NDUFS1: variants seen among roughly 807,000 people sequenced by gnomAD.
NDUFS1 encodes NADH:ubiquinone oxidoreductase core subunit S1, also known as NADH-ubiquinone oxidoreductase 75 kDa subunit, mitochondrial.
Under a neutral mutation model 84.4 loss-of-function variants are expected in NDUFS1, and 61 were observed. The observed-to-expected ratio is 0.72, with a 90% CI of 0.59 to 0.89. NDUFS1 has a LOEUF of 0.89. NDUFS1 is among the 40% of genes least tolerant of loss of function. The pLI is 0.00. For synonymous variants in NDUFS1, 275 were observed against 290.0 expected (o/e 0.95, Z 0.53); for missense variants, 891 against 890.0 (o/e 1.00, Z -0.01).
Position 206,155,860 on chromosome 2 carries a change from C to T in NDUFS1, c.-4-2178G>A, listed in dbSNP as rs138912012. Among the ~76,000 whole-genome samples, 792 of 152,030 alleles carry T rather than the reference C, an allele frequency of 5.2e-3. 4 individuals carry two copies. Among genetic ancestry groups the T allele is most frequent in the African/African-American group, 0.018 (730 of 41,510 alleles). ...TGAGCCACCACGCCCGGCCAAGTCA[C>T]CAAAACTTCTAAACTTTTTGAGTTT... On this transcript the variant is annotated intron_variant, in intron 1 of 18. Coordinates refer to ENST00000233190, the MANE Select transcript of NDUFS1 (RefSeq NM_005006.7).
chr2:206,159,049 A>C, intron 1 of NDUFS1: 1 of 1,532,866 alleles, frequency 6.5e-7, no homozygotes, highest in Non-Finnish European at 8.7e-7. Flanking sequence ...CTGAGAGGGA[A>C]ATGTCCTGAA....
chr2:206,158,109 C>T (rs1429849531), intron 1 of NDUFS1, among the ~76,000 whole-genome samples: 3 of 151,830 alleles, frequency 2.0e-5, no homozygotes, highest in Non-Finnish European at 2.9e-5. Context: ...ACTACAGGCG[C>T]CCGCCACCAC....
At chr2:206,154,813 C>A (rs892906321) in intron 1 of NDUFS1, among the ~76,000 whole-genome samples, 1 of 151,744 alleles carries the variant, frequency 6.6e-6, no homozygotes, top group Non-Finnish European at 1.5e-5. Context: ...TTAGTAGAGA[C>A]AGGGTTTCAC....
intron 4 of NDUFS1, 82 bp downstream of exon 4, chr2:206,149,736 A>T: frequency 1.0e-6 from 1 of 1,003,140 alleles, no homozygotes; most frequent in Non-Finnish European, 1.6e-6. Context: ...CCACTACGAT[A>T]TTGATTCTAA....
rs1691310380 is a variant in NDUFS1, at chr2:206,126,778, G to A, written c.1951C>T (p.Pro651Ser). 1.1e-5 allele frequency: 17 copies of A among 1,613,994 alleles called. No individual in the cohort carries two copies. The highest frequency in any genetic ancestry group is 1.3e-5 in the Non-Finnish European group (15 of 1,179,998). Reference protein sequence around the residue: ...QVRNRLEEVSPNLVRYDDIEG... With the variant: ...QVRNRLEEVSSNLVRYDDIEG... ...ATATCATCATATCGAACAAGATTAG[G>A]AGAGACTTCTTCCAATCTGTTCCTT... The change falls in exon 17 of 19, where the codon CCT (proline) becomes TCT (serine). Residue 651 changes from proline (P) to serine (S), a missense_variant. Physicochemically the swap from Pro to Ser is moderately conservative, Grantham distance 74. Coordinates refer to ENST00000233190, the MANE Select transcript of NDUFS1 (RefSeq NM_005006.7).
intron 1 of NDUFS1, among the ~76,000 whole-genome samples, chr2:206,158,699 CA>C (rs1687776455): frequency 6.6e-6 from 1 of 152,246 alleles, no homozygotes; most frequent in Admixed American, 6.5e-5. Context: ...CGTGTGTGAA[CA>C]GAGTTGTGTC....
intron 9 of NDUFS1, 142 bp downstream of exon 9, chr2:206,144,750 T>C: frequency 1.2e-6 from 1 of 801,552 alleles, no homozygotes. Flanking sequence ...AAGTCAGTAT[T>C]ATCACATTAT....
At chr2:206,147,927 T>G in intron 5 of NDUFS1, 93 bp from the exon 6 acceptor site, 3 of 1,218,324 alleles carry the variant, frequency 2.5e-6, no homozygotes, top group Non-Finnish European at 3.6e-6. Flanking sequence ...GACTTTATTT[T>G]TTTTTTTTGA....
chr2:206,147,187 G>T (rs1692187300), intron 7 of NDUFS1, 99 bp from the exon 8 acceptor site: 2 of 1,196,068 alleles, frequency 1.7e-6, no homozygotes, highest in Non-Finnish European at 2.5e-6. Context: ...ACACTAAAAA[G>T]AAATGAGTAT....
intron 1 of NDUFS1, among the ~76,000 whole-genome samples, chr2:206,156,373 G>T (rs7589847): frequency 0.5 from 75,559 of 150,732 alleles, 19,746 homozygotes; most frequent in African/African-American, 0.64. Context: ...AACAGTTAGA[G>T]GCCAGCCTGG....
chr2:206,154,922 CTTTTTTTTTTT>C (rs71034412), intron 1 of NDUFS1, among the ~76,000 whole-genome samples: 1 of 100,826 alleles, frequency 9.9e-6, no homozygotes, highest in South Asian at 3.3e-4. Flanking sequence ...GTGCCCGGCC[CTTTTTTTTTTT>C]TTTTTTTTTT....
At position 206,152,422 on chromosome 2, in the gene NDUFS1, G is replaced by GA; in HGVS notation, c.149dup (p.Gln51ProfsTer4). The GA allele has an allele frequency of 6.2e-7, 1 of 1,613,524 alleles. No homozygotes were observed. The highest frequency in any genetic ancestry group is 8.5e-7 in the Non-Finnish European group (1 of 1,179,490). Reference sequence around the variant, plus strand: ...AATAGTTAGAATGTATGCCTACTTGGAGGACGGTCGTTCCCGGTTCCACCA... The same window carrying GA: ...AATAGTTAGAATGTATGCCTACTTGGAAGGACGGTCGTTCCCGGTTCCACCA... On this transcript the variant is annotated frameshift_variant, in exon 3 of 19. Coordinates refer to ENST00000233190, the MANE Select transcript of NDUFS1 (RefSeq NM_005006.7). LOFTEE classifies it high-confidence loss of function.
chr2:206,138,690 C>T, intron 12 of NDUFS1, 76 bp from the exon 13 acceptor site: 1 of 1,402,494 alleles, frequency 7.1e-7, no homozygotes, highest in Non-Finnish European at 1.0e-6. Flanking sequence ...CTAAGTGATA[C>T]ATCTATTTAC....
At chr2:206,124,823 A>G (rs531394766) in intron 18 of NDUFS1, among the ~76,000 whole-genome samples, 1 of 152,322 alleles carries the variant, frequency 6.6e-6, no homozygotes, top group Admixed American at 6.5e-5. Context: ...TGGGCGACAG[A>G]GCAAGACTCT....
rs1323405281 is a variant in NDUFS1, at chr2:206,126,501, C to T, written c.2092+38G>A. On this transcript the variant is annotated intron_variant, in intron 18 of 18. Transcript: ENST00000233190. ...ATGAGGTGATCTGATTACTTCTTACCTTTCGTATTTGGCAGAGTCATGTTG... is the reference window on the plus strand; with the variant it reads ...ATGAGGTGATCTGATTACTTCTTACTTTTCGTATTTGGCAGAGTCATGTTG... 3.8e-6 allele frequency: 6 copies of T among 1,580,158 alleles called. No homozygotes were observed. In the African/African-American group the frequency reaches 5.4e-5, roughly 14 times the overall value.
intron 15 of NDUFS1, among the ~76,000 whole-genome samples, chr2:206,129,589 TTAAC>T (rs1169907995): frequency 2.7e-5 from 4 of 150,408 alleles, no homozygotes; most frequent in Non-Finnish European, 5.9e-5. Context: ...ATATTTTGGT[TTAAC>T]TTTTTTTTTT....
chr2:206,141,118 T>C (rs1691930515), intron 12 of NDUFS1, among the ~76,000 whole-genome samples: 1 of 152,010 alleles, frequency 6.6e-6, no homozygotes. Context: ...AAAACGGACC[T>C]ATTAGAAATT....
rs535644509 is a variant in NDUFS1, at chr2:206,138,280, C to A, written c.1392+205G>T. Among the ~76,000 whole-genome samples, 4 of 152,246 alleles carry A rather than the reference C, an allele frequency of 2.6e-5. No homozygotes were observed. In the South Asian group the frequency reaches 8.3e-4, roughly 32 times the overall value. The stretch of plus-strand genomic sequence containing the variant: ...TATTTTAGTAGAGACAGGGTTTCAC[C>A]GTGTTGCCCAGTCTGGTCTTGAACT... On this transcript the variant is annotated intron_variant, in intron 13 of 18. Transcript: ENST00000233190.
intron 1 of NDUFS1, 172 bp downstream of exon 1, chr2:206,159,169 T>G: frequency 1.3e-6 from 2 of 1,535,356 alleles, no homozygotes; most frequent in Non-Finnish European, 1.7e-6. Context: ...AGACCGTGGC[T>G]AAAAGCCCCC....
Sources: gnomAD v4.1 joint callset for allele counts (sites outside exome capture counted in the v4.1 genomes callset) on GRCh38, gnomAD v4.1.1 for gene constraint, MANE v1.5 for transcripts, NCBI Gene and HGNC (gene_info 2026-07-23, HGNC 2026-07-21) for gene names.